C19orf81: variants seen among roughly 807,000 people sequenced by gnomAD.
C19orf81 encodes the protein chromosome 19 open reading frame 81.
Under a neutral mutation model 22.1 loss-of-function variants are expected in C19orf81, and 19 were observed. The ratio of observed to expected loss-of-function variants is 0.86; its 90% CI spans 0.60 to 1.26. C19orf81 has a LOEUF of 1.26. Among genes scored for constraint, C19orf81 ranks in the 50% most tolerant of loss-of-function variants. The pLI, the probability that C19orf81 is intolerant of heterozygous loss-of-function variation, is 0.00. For missense variants in C19orf81, 287 were observed against 280.7 expected, an observed-to-expected ratio of 1.02 and a Z score of -0.16; for synonymous variants, 108 against 113.1, an observed-to-expected ratio of 0.95 and a Z score of 0.29.
At chr19:50,650,803 G>A (rs57347924) in intron 1 of C19orf81, among the ~76,000 whole-genome samples, 4,562 of 152,314 alleles carry the variant, frequency 0.03, 203 homozygotes, top group African/African-American at 0.097. Context: ...GGCAAAACAG[G>A]CGTTGTTTCT....
chr19:50,652,237 G>A (rs1568420773), intron 1 of C19orf81, among the ~76,000 whole-genome samples: 1 of 152,086 alleles, frequency 6.6e-6, no homozygotes, highest in Non-Finnish European at 1.5e-5. Flanking sequence ...TAGTTGGCTT[G>A]TTTAAATTAG....
Position 50,658,990 on chromosome 19 carries a change from C to T in C19orf81, c.445C>T (p.Leu149=), listed in dbSNP as rs1402138438. 6.6e-7 allele frequency: 1 copy of T among 1,522,752 alleles called. No individual in the cohort carries two copies. Among genetic ancestry groups the T allele is most frequent in the South Asian group, 1.2e-5 (1 of 82,554 alleles). 94.3% of individuals were successfully genotyped at this position (1,522,752 alleles called of 1,614,324 possible). ...GGACTTCCAGACGCGCTCGCGCTTG[C>T]TGCGCTCCGGGCTCAGTCCCCGCGG... ...VTDFQTRSRL[L]RSGLSPRGLA... is the part of the protein sequence containing the mutation. The change falls in exon 5 of 5, where the codon CTG becomes TTG. Residue 149 remains leucine (L), a synonymous_variant. Coordinates refer to ENST00000425202, the MANE Select transcript of C19orf81 (RefSeq NM_001195076.2).
chr19:50,656,074 C>A lies in C19orf81; in HGVS notation c.92C>A (p.Thr31Asn), dbSNP rs192383921. The stretch of plus-strand genomic sequence containing the variant: ...GGAGCCCTCCTTATGGACCTGGAGA[C>A]CCCAGAGGAGATGCAGGCTCGGAGC... ...KAGALLMDLE[T>N]PEEMQARSLG... The change falls in exon 2 of 5, where the codon ACC becomes AAC. Residue 31 changes from threonine (T) to asparagine (N), a missense_variant. By Grantham distance (65) the Thr-to-Asn change is moderately conservative. Transcript: ENST00000425202. 1.3e-6 allele frequency: 2 copies of A among 1,536,134 alleles called. No individual in the cohort carries two copies. The highest frequency in any genetic ancestry group is 1.2e-5 in the South Asian group (1 of 84,064).
chr19:50,657,817 T>C (rs979970678), intron 3 of C19orf81, among the ~76,000 whole-genome samples, 172 bp from the exon 4 acceptor site: 2 of 152,214 alleles, frequency 1.3e-5, no homozygotes, highest in Non-Finnish European at 2.9e-5. Flanking sequence ...AGATAATCTG[T>C]CGTCTCCTTT....
At chr19:50,657,869 C>T in intron 3 of C19orf81, 120 bp from the exon 4 acceptor site, 1 of 1,313,046 alleles carries the variant, frequency 7.6e-7, no homozygotes, top group Non-Finnish European at 1.0e-6. Context: ...CGATCCTTGC[C>T]CCTCAAATGC....
At chr19:50,652,662 C>T (rs962403830) in intron 1 of C19orf81, among the ~76,000 whole-genome samples, 5 of 152,156 alleles carry the variant, frequency 3.3e-5, no homozygotes, top group African/African-American at 1.2e-4. Flanking sequence ...ACGGTCTGAT[C>T]ACGTGTGGTC....
chr19:50,649,891 C>T (rs1984841421), intron 1 of C19orf81: 5 of 459,424 alleles, frequency 1.1e-5, no homozygotes, highest in Admixed American at 4.7e-5. Context: ...ATGGCCCCAC[C>T]GCCAACCCAG....
chr19:50,655,335 C>T (rs1984970887), intron 1 of C19orf81, among the ~76,000 whole-genome samples: 1 of 152,088 alleles, frequency 6.6e-6, no homozygotes, highest in African/African-American at 2.4e-5. Context: ...AATCAGGAGA[C>T]TGATTCTGAG....
intron 3 of C19orf81, among the ~76,000 whole-genome samples, chr19:50,657,226 C>A (rs1466753301): frequency 6.6e-6 from 1 of 152,154 alleles, no homozygotes; most frequent in Non-Finnish European, 1.5e-5. Flanking sequence ...AACTCTCCAC[C>A]CTGCATACAG....
intron 3 of C19orf81, 49 bp from the exon 4 acceptor site, chr19:50,657,940 A>T (rs116088642): frequency 8.8e-6 from 13 of 1,484,498 alleles, no homozygotes; most frequent in Middle Eastern, 1.7e-4. Context: ...TCTGAACCCA[A>T]AATGAACCAG....
rs1366947045 is a variant in C19orf81 at position 50,656,088 on chromosome 19, C to A, written c.106C>A (p.Gln36Lys). 1.3e-6 allele frequency: 2 copies of A among 1,536,050 alleles called. No homozygotes were observed. Among genetic ancestry groups the A allele is most frequent in the East Asian group, 2.4e-5 (1 of 40,930 alleles). Residue 36 changes from glutamine to lysine, a missense_variant, in exon 2 of 5, where the codon CAG becomes AAG. Physicochemically the swap from Gln to Lys is moderately conservative, Grantham distance 53 (BLOSUM62 1). Coordinates refer to ENST00000425202, the MANE Select transcript of C19orf81 (RefSeq NM_001195076.2). ...LMDLETPEEM[Q>K]ARSLGRPIKS... ...GGACCTGGAGACCCCAGAGGAGATG[C>A]AGGCTCGGAGCCTGGGCAGGCCCAT...
At position 50,658,982 on chromosome 19, in the gene C19orf81, C is replaced by G. The variant is rs1467872749; in HGVS notation, c.437C>G (p.Ser146Trp). The change falls in exon 5 of 5, where the codon TCG becomes TGG. Residue 146 changes from serine (S) to tryptophan (W), a missense_variant. By Grantham distance (177) the Ser-to-Trp change is radical. Transcript: ENST00000425202. ...GCGGTCACGGACTTCCAGACGCGCT[C>G]GCGCTTGCTGCGCTCCGGGCTCAGT... ...LIAVTDFQTRSRLLRSGLSPR... is the reference protein window; with the variant it reads ...LIAVTDFQTRWRLLRSGLSPR... 2 of 1,515,918 alleles carry G rather than the reference C, an allele frequency of 1.3e-6. No individual in the cohort carries two copies. 93.9% of individuals were successfully genotyped at this position (1,515,918 alleles called of 1,614,324 possible). A position where few individuals can be genotyped will look rare whatever the true frequency, so the allele number is the denominator to read the frequency against.
At chr19:50,657,864 C>G in intron 3 of C19orf81, 125 bp from the exon 4 acceptor site, 1 of 1,285,816 alleles carries the variant, frequency 7.8e-7, no homozygotes, top group South Asian at 1.6e-5. Context: ...AAGAGCGATC[C>G]TTGCCCCTCA....
At chr19:50,656,673 C>T (rs188984738) in intron 3 of C19orf81, among the ~76,000 whole-genome samples, 179 of 152,138 alleles carry the variant, frequency 1.2e-3, no homozygotes, top group East Asian at 3.3e-3. Context: ...CCATGTGTGT[C>T]GGGTGCGGTG....
At chr19:50,654,782 A>G (rs1467984132) in intron 1 of C19orf81, among the ~76,000 whole-genome samples, 2 of 152,100 alleles carry the variant, frequency 1.3e-5, no homozygotes, top group African/African-American at 4.8e-5. Context: ...GGCACACAAC[A>G]TCATGCCCAG....
intron 1 of C19orf81, among the ~76,000 whole-genome samples, chr19:50,650,107 C>G (rs1168158216): frequency 6.6e-6 from 1 of 152,186 alleles, no homozygotes; most frequent in Non-Finnish European, 1.5e-5. Context: ...TCCATGGCTC[C>G]AGAGAGGTCT....
In C19orf81 at chr19:50,658,949, G is replaced by A; in HGVS notation, c.404G>A (p.Trp135Ter). 6 of 1,482,886 alleles carry A rather than the reference G, an allele frequency of 4.0e-6. No homozygotes were observed. The highest frequency in any genetic ancestry group is 5.4e-6 in the Non-Finnish European group (6 of 1,114,402). The allele number at this position is 1,482,886 out of a possible 1,614,324, so 91.9% of individuals were successfully genotyped here. A position where few individuals can be genotyped will look rare whatever the true frequency, so the allele number is the denominator to read the frequency against. Residue 135 changes from tryptophan to a stop codon, truncating the protein, a stop_gained and splice_region_variant, in exon 5 of 5, where the codon TGG becomes TAG. Transcript: ENST00000425202. LOFTEE classifies it high-confidence loss of function. ...ICGTAGRRNR[W>*]LIAVTDFQTR... ...TTCCGTCCCCACCCCCCTTACAGGT[G>A]GCTCATCGCGGTCACGGACTTCCAG...
Position 50,659,045 on chromosome 19 carries a change from A to T in C19orf81, c.500A>T (p.Asp167Val). ...GLAHQIVRHD[D>V]LLLGDYRLHL... is the part of the protein sequence containing the mutation. ...GCGCACCAGATCGTGCGCCACGACG[A>T]CCTCCTGCTGGGCGACTACCGCCTG... is the stretch of plus-strand genomic sequence containing the variant. The change falls in exon 5 of 5, where the codon GAC becomes GTC. Residue 167 changes from aspartate (D) to valine (V), a missense_variant. Asp to Val is a radical substitution (Grantham distance 152, BLOSUM62 -3). Transcript: ENST00000425202. 1 of 1,525,482 alleles carries T rather than the reference A, an allele frequency of 6.6e-7. No individual in the cohort carries two copies. The highest frequency in any genetic ancestry group is 1.2e-5 in the South Asian group (1 of 82,644). The allele number at this position is 1,525,482 out of a possible 1,614,324, so 94.5% of individuals were successfully genotyped here. A position where few individuals can be genotyped will look rare whatever the true frequency, so the allele number is the denominator to read the frequency against.
At chr19:50,657,014 G>A (rs1568421873) in intron 3 of C19orf81, among the ~76,000 whole-genome samples, 1 of 150,848 alleles carries the variant, frequency 6.6e-6, no homozygotes, top group Non-Finnish European at 1.5e-5. Context: ...GGAAAGGAAA[G>A]GAAAGGAAGG....
Sources: allele counts gnomAD v4.1 joint callset (sites outside exome capture counted in the v4.1 genomes callset), GRCh38; gene constraint gnomAD v4.1.1; transcripts MANE v1.5; gene names NCBI Gene and HGNC (gene_info 2026-07-23, HGNC 2026-07-21).